The following PCDH15 variants were observed in gnomAD, a reference collection of about 807,000 sequenced individuals.
The protein encoded by PCDH15 is protocadherin-15.
A neutral mutation model predicts 178.5 loss-of-function variants in PCDH15; 129 were observed. The ratio of observed to expected loss-of-function variants is 0.72; its 90% confidence interval spans 0.63 to 0.84. The LOEUF (loss-of-function observed/expected upper bound fraction) is 0.84. Ranked by LOEUF, PCDH15 falls within the 40% of genes least tolerant of loss-of-function variation. The probability of loss-of-function intolerance (pLI) is 0.00; values close to 1 mark genes in which losing one functional copy is unlikely to be tolerated. For missense variants in PCDH15, 2,230 were observed against 2,099.9 expected, an observed-to-expected ratio of 1.06 and a Z score of -1.21; for synonymous variants, 800 against 732.0, an observed-to-expected ratio of 1.09 and a Z score of -1.50.
intron 1 of PCDH15, among the ~76,000 whole-genome samples, chr10:55,174,691 A>G (rs6481149): frequency 0.47 from 71,488 of 151,466 alleles, 17,079 homozygotes; most frequent in East Asian, 0.67. Context: ...AGGCGAGTCC[A>G]GTTTCTCTGG....
intron 10 of PCDH15, among the ~76,000 whole-genome samples, chr10:54,201,463 T>C (rs2050222862): frequency 6.6e-6 from 1 of 151,964 alleles, no homozygotes; most frequent in South Asian, 2.1e-4. Flanking sequence ...TATAGTAAAT[T>C]CCACTGTTCT....
chr10:55,345,267 A>G (rs919880657), intron 2 of PCDH15, among the ~76,000 whole-genome samples: 3 of 101,208 alleles, frequency 3.0e-5, no homozygotes, highest in African/African-American at 1.4e-4. Context: ...TAGCCATGAC[A>G]TAATTTAAAA....
chr10:54,241,414 A>G (rs940157913), intron 8 of PCDH15, among the ~76,000 whole-genome samples: 8 of 152,148 alleles, frequency 5.3e-5, no homozygotes, highest in African/African-American at 1.7e-4. Flanking sequence ...CAATTGCTAT[A>G]TTTATCTTTT....
chr10:55,228,148 C>T (rs575139790), intron 1 of PCDH15, among the ~76,000 whole-genome samples: 1 of 152,140 alleles, frequency 6.6e-6, no homozygotes, highest in East Asian at 1.9e-4. Flanking sequence ...AGCACTTTGA[C>T]CATGCTGAGG....
intron 1 of PCDH15, among the ~76,000 whole-genome samples, chr10:55,205,767 C>T (rs759316207): frequency 1.3e-5 from 2 of 151,880 alleles, no homozygotes; most frequent in Non-Finnish European, 2.9e-5. Flanking sequence ...CCGTATTAGC[C>T]GTTTTCACGC....
At chr10:54,439,398 G>A (rs2075652425) in intron 3 of PCDH15, among the ~76,000 whole-genome samples, 1 of 151,986 alleles carries the variant, frequency 6.6e-6, no homozygotes, top group African/African-American at 2.4e-5. Context: ...TCTTATTATA[G>A]TTTATCTGGT....
intron 2 of PCDH15, among the ~76,000 whole-genome samples, chr10:55,600,576 C>T (rs1843054672): frequency 6.6e-6 from 1 of 152,082 alleles, no homozygotes; most frequent in Non-Finnish European, 1.5e-5. Flanking sequence ...TCGGGACATC[C>T]TAAATGGTGT....
At chr10:54,152,737 T>C (rs1361648081) in intron 14 of PCDH15, among the ~76,000 whole-genome samples, 2 of 152,022 alleles carry the variant, frequency 1.3e-5, no homozygotes, top group Non-Finnish European at 2.9e-5. Context: ...TATACACATA[T>C]TTAAATACAT....
chr10:54,950,073 C>T (rs139793789), intron 2 of PCDH15, among the ~76,000 whole-genome samples: 186 of 152,064 alleles, frequency 1.2e-3, no homozygotes, highest in African/African-American at 4.4e-3. Flanking sequence ...TACAGCAGTG[C>T]ACTATTATCT....
intron 18 of PCDH15, among the ~76,000 whole-genome samples, chr10:54,042,114 C>T (rs16937873): frequency 0.06 from 9,071 of 152,074 alleles, 870 homozygotes; most frequent in African/African-American, 0.2. Flanking sequence ...TCTGATGGCA[C>T]GAAGCAGCTT....
At chr10:55,233,566 T>C (rs371792648) in intron 1 of PCDH15, among the ~76,000 whole-genome samples, 1 of 152,054 alleles carries the variant, frequency 6.6e-6, no homozygotes, top group East Asian at 1.9e-4. Context: ...ATGCACTGAT[T>C]CATTTTTTTA....
At chr10:54,674,718 A>T (rs2094749460) in intron 1 of PCDH15, among the ~76,000 whole-genome samples, 1 of 152,038 alleles carries the variant, frequency 6.6e-6, no homozygotes, top group African/African-American at 2.4e-5. Context: ...TTTCTTAGAG[A>T]CTGGATTTTA....
At position 55,017,262 on chromosome 10, in the gene PCDH15, C is replaced by T. The variant is rs530974947; in HGVS notation, c.-79-119762G>A. ...ACAATGCAGAAATCTACATTCCAAA[C>T]CTAAATTAATTATGCCTCCTTCTAC... On this transcript the variant is annotated intron_variant, in intron 2 of 5. Coordinates refer to the PCDH15 transcript ENST00000458638. Among the ~76,000 whole-genome samples the T allele has an allele frequency of 5.9e-5, 9 of 152,216 alleles. No individual in the cohort carries two copies. In the South Asian group the frequency reaches 1.9e-3, roughly 32 times the overall value.
At chr10:55,015,598 T>C (rs1213707274) in intron 2 of PCDH15, among the ~76,000 whole-genome samples, 1 of 152,150 alleles carries the variant, frequency 6.6e-6, no homozygotes, top group Non-Finnish European at 1.5e-5. Flanking sequence ...AGAGTGTCTG[T>C]CATGGTCCTG....
In PCDH15 at chr10:54,638,223, A is replaced by G. The variant is rs545031655; in HGVS notation, c.91+25949T>C. Among the ~76,000 whole-genome samples, 3 of 152,254 alleles carry G rather than the reference A, an allele frequency of 2.0e-5. No homozygotes were observed. The South Asian group carries it at 6.2e-4, about 31-fold the overall frequency. On this transcript the variant is annotated intron_variant, in intron 2 of 37. Coordinates refer to ENST00000644397, the MANE Select transcript of PCDH15 (RefSeq NM_001384140.1). ...GTAACTATGTATTTTAGACATATAC[A>G]TTATGAGACTGGATTGGGGTACCAA...
chr10:54,718,163 G>T (rs372025941), intron 1 of PCDH15, among the ~76,000 whole-genome samples: 1 of 142,902 alleles, frequency 7.0e-6, no homozygotes, highest in Non-Finnish European at 1.5e-5. Flanking sequence ...CTAATGCTAG[G>T]TGACGAGTTA....
chr10:55,625,871 T>C (rs1232604357), intron 2 of PCDH15, among the ~76,000 whole-genome samples: 1 of 152,180 alleles, frequency 6.6e-6, no homozygotes, highest in African/African-American at 2.4e-5. Context: ...ATCTTCCTAA[T>C]TTAGTCCTAC....
intron 26 of PCDH15, among the ~76,000 whole-genome samples, chr10:53,900,472 T>C (rs1038597385): frequency 6.6e-6 from 1 of 152,110 alleles, no homozygotes; most frequent in African/African-American, 2.4e-5. Context: ...CCAGGGCATA[T>C]GTCCTCACCC....
chr10:54,414,432 A>G (rs1228739533), intron 3 of PCDH15, among the ~76,000 whole-genome samples: 2 of 152,144 alleles, frequency 1.3e-5, no homozygotes, highest in Non-Finnish European at 2.9e-5. Flanking sequence ...TTATTAAGAC[A>G]GAGTTCTCCT....
Sources: gnomAD v4.1 joint callset for allele counts (sites outside exome capture counted in the v4.1 genomes callset) on GRCh38, gnomAD v4.1.1 for gene constraint, MANE v1.5 for transcripts, NCBI Gene and HGNC (gene_info 2026-07-23, HGNC 2026-07-21) for gene names.